SHQ1: variants seen among roughly 807,000 people sequenced by gnomAD.
SHQ1 encodes protein SHQ1 homolog.
SHQ1 carries 49 observed loss-of-function variants against 53.8 expected under a neutral mutation model. The observed-to-expected ratio is 0.91, with a 90% CI of 0.72 to 1.16. SHQ1 has a LOEUF of 1.16. SHQ1 is among the 50% of genes most tolerant of loss of function. SHQ1 has a pLI of 0.00. For synonymous variants in SHQ1, 243 were observed against 251.0 expected, an observed-to-expected ratio of 0.97 and a Z score of 0.30; for missense variants, 738 against 683.1, an observed-to-expected ratio of 1.08 and a Z score of -0.90.
chr3:72,799,984 T>C (rs1706736455), intron 9 of SHQ1, among the ~76,000 whole-genome samples: 1 of 152,146 alleles, frequency 6.6e-6, no homozygotes, highest in Admixed American at 6.5e-5. Context: ...TCTATTACAG[T>C]AGTGCTACCA....
the SHQ1 span, among the ~76,000 whole-genome samples, chr3:72,740,708 G>A: frequency 6.6e-6 from 1 of 152,118 alleles, no homozygotes; most frequent in African/African-American, 2.4e-5. Context: ...GACTGCTTTT[G>A]GGACCTCAGG....
intron 10 of SHQ1, among the ~76,000 whole-genome samples, chr3:72,775,155 G>A (rs1349675302): frequency 6.6e-6 from 1 of 151,806 alleles, no homozygotes; most frequent in Non-Finnish European, 1.5e-5. Context: ...TTAAAAATTA[G>A]CTAATCAAAT....
At chr3:72,823,354 A>G (rs1290570804) in intron 6 of SHQ1, among the ~76,000 whole-genome samples, 1 of 152,194 alleles carries the variant, frequency 6.6e-6, no homozygotes, top group East Asian at 1.9e-4. Flanking sequence ...TATACTAGAC[A>G]CTGAAAAAAT....
intron 5 of SHQ1, among the ~76,000 whole-genome samples, chr3:72,827,218 T>C (rs1482566616): frequency 1.3e-5 from 2 of 152,140 alleles, no homozygotes; most frequent in Non-Finnish European, 2.9e-5. Context: ...CGACTCCTGC[T>C]TGGGATAGGT....
intron 4 of SHQ1, among the ~76,000 whole-genome samples, chr3:72,833,869 C>T (rs999773091): frequency 6.6e-6 from 1 of 152,126 alleles, no homozygotes; most frequent in Admixed American, 6.5e-5. Context: ...ACTCCTGCTA[C>T]CAACCACAAG....
chr3:72,764,160 CCT>C (rs201836116), intron 10 of SHQ1, among the ~76,000 whole-genome samples: 3,394 of 152,162 alleles, frequency 0.022, 99 homozygotes, highest in African/African-American at 0.068. Flanking sequence ...ACAATGTACC[CCT>C]GTTACAAACC....
At chr3:72,789,286 C>G (rs1245564956) in intron 10 of SHQ1, among the ~76,000 whole-genome samples, 1 of 152,108 alleles carries the variant, frequency 6.6e-6, no homozygotes, top group Non-Finnish European at 1.5e-5. Flanking sequence ...TAAAAAGGTG[C>G]CAACTATTTG....
intron 9 of SHQ1, among the ~76,000 whole-genome samples, chr3:72,803,242 A>T (rs1706844119): frequency 2.0e-5 from 3 of 152,180 alleles, no homozygotes; most frequent in African/African-American, 7.2e-5. Context: ...AATTTTAAAG[A>T]TCATTTTACT....
intron 4 of SHQ1, among the ~76,000 whole-genome samples, chr3:72,832,888 T>G (rs1226270436): frequency 6.6e-6 from 1 of 152,194 alleles, no homozygotes; most frequent in Non-Finnish European, 1.5e-5. Context: ...GGTCTCTTCT[T>G]TCTTCCTATA....
At chr3:72,846,989 T>A (rs921305854) in intron 1 of SHQ1, among the ~76,000 whole-genome samples, 5 of 152,180 alleles carry the variant, frequency 3.3e-5, no homozygotes, top group Non-Finnish European at 7.3e-5. Context: ...TTATAAAACA[T>A]GGGCCCTTTT....
the SHQ1 span, among the ~76,000 whole-genome samples, chr3:72,742,200 A>T: frequency 1.7e-5 from 2 of 117,060 alleles, no homozygotes; most frequent in South Asian, 2.5e-4. Context: ...CCTATCTCTT[A>T]AAAAAAAAAA....
Position 72,791,701 on chromosome 3 carries a change from C to T in SHQ1, c.1181+1215G>A, listed in dbSNP as rs189472150. Among the ~76,000 whole-genome samples the T allele has an allele frequency of 5.5e-3, 841 of 151,872 alleles. 8 individuals carry two copies. The highest frequency in any genetic ancestry group is 0.018 in the African/African-American group (750 of 41,360). On this transcript the variant is annotated intron_variant, in intron 10 of 10. Transcript: ENST00000325599. ...AGGAGTCATTCCAATTAAGAGTTCCCTTTATAGGTTTTTTGTTTTGTTTTT... is the reference window on the plus strand; with the variant it reads ...AGGAGTCATTCCAATTAAGAGTTCCTTTTATAGGTTTTTTGTTTTGTTTTT...
intron 4 of SHQ1, 121 bp from the exon 5 acceptor site, chr3:72,832,602 C>T: frequency 1.6e-6 from 1 of 634,642 alleles, no homozygotes; most frequent in Admixed American, 3.2e-5. Context: ...ACCATGATGC[C>T]ACCTGTGACA....
chr3:72,848,038 C>T (rs1708404457), intron 1 of SHQ1, among the ~76,000 whole-genome samples, 160 bp downstream of exon 1: 1 of 152,156 alleles, frequency 6.6e-6, no homozygotes, highest in African/African-American at 2.4e-5. Context: ...CTAAAACGCA[C>T]CCCTGGAAGA....
At chr3:72,730,385 A>T in the SHQ1 span, among the ~76,000 whole-genome samples, 1 of 152,238 alleles carries the variant, frequency 6.6e-6, no homozygotes, top group South Asian at 2.1e-4. Flanking sequence ...AAGTGCTGAG[A>T]TTACAGGCAT....
chr3:72,750,372 G>A lies in SHQ1; in HGVS notation c.1646C>T (p.Thr549Ile), dbSNP rs1474759102. Reference sequence around the variant, plus strand: ...GCCCTTGGGTTCAGAAACCTGAACTGTAGTCTTCAGTTGTTCCCCAAGCTC... The same window carrying A: ...GCCCTTGGGTTCAGAAACCTGAACTATAGTCTTCAGTTGTTCCCCAAGCTC... ...IEELGEQLKTTVQVSEPKGTT... is the reference protein window; with the variant it reads ...IEELGEQLKTIVQVSEPKGTT... The change falls in exon 11 of 11, where the codon ACA becomes ATA. Residue 549 changes from threonine (T) to isoleucine (I), a missense_variant. Coordinates refer to ENST00000325599, the MANE Select transcript of SHQ1 (RefSeq NM_018130.3). The A allele has an allele frequency of 1.2e-6, 2 of 1,614,056 alleles. No individual in the cohort carries two copies. Among genetic ancestry groups the A allele is most frequent in the African/African-American group, 1.3e-5 (1 of 74,904 alleles).
intron 10 of SHQ1, among the ~76,000 whole-genome samples, chr3:72,772,199 A>G (rs750689193): frequency 3.3e-5 from 5 of 152,010 alleles, no homozygotes; most frequent in Non-Finnish European, 7.4e-5. Flanking sequence ...CAAATATGGT[A>G]GAGAAAATGG....
intron 10 of SHQ1, chr3:72,772,931 A>T: frequency 1.2e-6 from 1 of 859,424 alleles, no homozygotes; most frequent in Non-Finnish European, 2.0e-6. Context: ...TTATTTGACC[A>T]GCATGAAGAA....
chr3:72,827,582 A>G (rs1334477764), intron 5 of SHQ1, among the ~76,000 whole-genome samples: 1 of 152,024 alleles, frequency 6.6e-6, no homozygotes, highest in Non-Finnish European at 1.5e-5. Context: ...TTTTGAGTAA[A>G]ATTTCACTAA....
Sources: allele counts gnomAD v4.1 joint callset (sites outside exome capture counted in the v4.1 genomes callset), GRCh38; gene constraint gnomAD v4.1.1; transcripts MANE v1.5; gene names NCBI Gene and HGNC (gene_info 2026-07-23, HGNC 2026-07-21).